LPIN2: variants seen among roughly 807,000 people sequenced by gnomAD.
LPIN2 encodes the protein phosphatidate phosphatase LPIN2.
LPIN2 carries 55 observed loss-of-function variants against 111.4 expected under a neutral mutation model. The ratio of observed to expected loss-of-function variants is 0.49; its 90% CI spans 0.40 to 0.62. LPIN2 has a LOEUF of 0.62. Ranked by LOEUF, LPIN2 falls within the 20% of genes least tolerant of loss-of-function variation. The probability of loss-of-function intolerance (pLI) is 0.00; values close to 1 mark genes in which losing one functional copy is unlikely to be tolerated. For synonymous variants in LPIN2, 425 were observed against 414.0 expected (o/e 1.03, Z -0.32); for missense variants, 992 against 1,112.1 (o/e 0.89, Z 1.54).
At chr18:2,971,657 G>A (rs138537759) in intron 1 of LPIN2, among the ~76,000 whole-genome samples, 125 of 151,814 alleles carry the variant, frequency 8.2e-4, no homozygotes, top group African/African-American at 2.8e-3. Context: ...TCAGCAAGGA[G>A]AGGGAGAAAT....
At chr18:2,951,836 G>A (rs1243408214) in intron 3 of LPIN2, among the ~76,000 whole-genome samples, 1 of 152,232 alleles carries the variant, frequency 6.6e-6, no homozygotes, top group African/African-American at 2.4e-5. Flanking sequence ...CAGTGATACA[G>A]AGCGGCCAAT....
intron 1 of LPIN2, among the ~76,000 whole-genome samples, chr18:2,969,802 A>T (rs1054464224): frequency 1.3e-5 from 2 of 152,194 alleles, no homozygotes; most frequent in African/African-American, 4.8e-5. Flanking sequence ...ACAGACACCC[A>T]AGTTTGGGAA....
intron 1 of LPIN2, among the ~76,000 whole-genome samples, chr18:3,009,323 T>C (rs535876584): frequency 2.6e-4 from 39 of 151,524 alleles, no homozygotes; most frequent in Non-Finnish European, 4.7e-4. Flanking sequence ...TGCTTGAACC[T>C]GGGAGGCGGA....
chr18:3,007,394 A>G (rs1300907355), intron 1 of LPIN2, among the ~76,000 whole-genome samples: 1 of 152,158 alleles, frequency 6.6e-6, no homozygotes, highest in African/African-American at 2.4e-5. Flanking sequence ...GATGGTCTCG[A>G]TCTCCTGACC....
chr18:2,934,327 T>G, intron 8 of LPIN2, 24 bp downstream of exon 8: 2 of 1,483,648 alleles, frequency 1.3e-6, no homozygotes, highest in Non-Finnish European at 1.9e-6. Flanking sequence ...AGAGCTGTCC[T>G]TCAATAAATA....
chr18:2,983,020 T>C, intron 1 of LPIN2: 1 of 300,664 alleles, frequency 3.3e-6, no homozygotes, highest in South Asian at 2.9e-5. Flanking sequence ...GTGCCATGTG[T>C]TTACACTGAT....
At chr18:2,997,155 T>C (rs1383961697) in intron 1 of LPIN2, among the ~76,000 whole-genome samples, 1 of 152,182 alleles carries the variant, frequency 6.6e-6, no homozygotes, top group Admixed American at 6.5e-5. Flanking sequence ...CTAATTTTTG[T>C]ATTTTTAGTA....
intron 3 of LPIN2, among the ~76,000 whole-genome samples, chr18:2,952,290 G>A (rs2077548092): frequency 6.6e-6 from 1 of 152,134 alleles, no homozygotes; most frequent in South Asian, 2.1e-4. Context: ...GCTGGGCCTG[G>A]TGATGCATGC....
Position 2,920,028 on chromosome 18 carries a change from G to T in LPIN2, c.*265C>A. 1.4e-5 allele frequency: 8 copies of T among 561,190 alleles called. No individual in the cohort carries two copies. The South Asian group carries it at 1.6e-4, about 11-fold the overall frequency. The allele number at this position is 561,190 out of a possible 1,614,324, so 34.8% of individuals were successfully genotyped here. On this transcript the variant is annotated 3_prime_UTR_variant, in exon 20 of 20. Coordinates refer to ENST00000677752, the MANE Select transcript of LPIN2 (RefSeq NM_001375808.2). Reference sequence around the variant, plus strand: ...TGGAAGGAGGCCCCAGCTCACAGCAGGAAACATGTGTGCGACCCACAAAGG... The same window carrying T: ...TGGAAGGAGGCCCCAGCTCACAGCATGAAACATGTGTGCGACCCACAAAGG...
chr18:2,938,553 C>T (rs2077324183), intron 6 of LPIN2, among the ~76,000 whole-genome samples: 1 of 152,022 alleles, frequency 6.6e-6, no homozygotes, highest in Non-Finnish European at 1.5e-5. Context: ...AAATGTTCTA[C>T]TGTGAAGTTA....
chr18:3,003,270 G>C (rs1382911323), intron 1 of LPIN2, among the ~76,000 whole-genome samples: 2 of 152,184 alleles, frequency 1.3e-5, no homozygotes, highest in Non-Finnish European at 2.9e-5. Context: ...CATTAGCGGG[G>C]AGCTCATCTG....
intron 2 of LPIN2, among the ~76,000 whole-genome samples, chr18:2,955,980 C>T (rs552709980): frequency 6.6e-6 from 1 of 152,156 alleles, no homozygotes; most frequent in African/African-American, 2.4e-5. Context: ...AATAACATAA[C>T]CACACTGAAG....
chr18:2,974,834 A>G (rs981305800), intron 1 of LPIN2, among the ~76,000 whole-genome samples: 1 of 152,124 alleles, frequency 6.6e-6, no homozygotes, highest in South Asian at 2.1e-4. Context: ...TCTACAGAGA[A>G]TTTTTTTAAA....
At chr18:2,923,999 C>A in intron 15 of LPIN2, 138 bp from the exon 16 acceptor site, 1 of 755,926 alleles carries the variant, frequency 1.3e-6, no homozygotes, top group Non-Finnish European at 2.3e-6. Flanking sequence ...CAGCTTCAAG[C>A]AACTGCAAGG....
At chr18:2,969,338 T>C (rs1598582365) in intron 1 of LPIN2, among the ~76,000 whole-genome samples, 1 of 152,202 alleles carries the variant, frequency 6.6e-6, no homozygotes, top group Non-Finnish European at 1.5e-5. Context: ...AGAGAAAAAG[T>C]ACAGGGGAGT....
Position 2,920,182 on chromosome 18 carries a change from GCACC to G in LPIN2, c.*107_*110del. On this transcript the variant is annotated 3_prime_UTR_variant, in exon 20 of 20. Transcript: ENST00000677752. Reference sequence around the variant, plus strand: ...GAGGATGGCGGGACCAGCTCCAGAAGCACCCGTCCCCGCTGGGGAAGGCTGGTAT... The same window carrying G: ...GAGGATGGCGGGACCAGCTCCAGAAGCGTCCCCGCTGGGGAAGGCTGGTAT... 5 of 1,456,510 alleles carry G rather than the reference GCACC, an allele frequency of 3.4e-6. No homozygotes were observed. Among genetic ancestry groups the G allele is most frequent in the Non-Finnish European group, 4.8e-6 (5 of 1,045,798 alleles). 90.2% of individuals were successfully genotyped at this position (1,456,510 alleles called of 1,614,324 possible).
chr18:2,919,322 GC>G lies in LPIN2; in HGVS notation c.*970del, dbSNP rs1163343869. ...CCAAAGTCACACACTGCTGGCCAGTGCCTTTAAGCAAGCTTCACTGTGCTTC... is the reference window on the plus strand; with the variant it reads ...CCAAAGTCACACACTGCTGGCCAGTGCTTTAAGCAAGCTTCACTGTGCTTC... On this transcript the variant is annotated 3_prime_UTR_variant, in exon 20 of 20. Transcript: ENST00000677752. 1.4e-5 allele frequency: 2 copies of G among 146,230 alleles called. No homozygotes were observed. The highest frequency in any genetic ancestry group is 4.9e-5 in the African/African-American group (2 of 40,562). 9.1% of individuals were successfully genotyped at this position (146,230 alleles called of 1,614,324 possible).
chr18:2,937,585 C>G, intron 7 of LPIN2, 107 bp downstream of exon 7: 3 of 741,312 alleles, frequency 4.0e-6, no homozygotes, highest in Non-Finnish European at 2.3e-6. Context: ...CGACGGGTTT[C>G]GACTGGTGAA....
At chr18:2,953,612 G>A (rs1035174254) in intron 3 of LPIN2, among the ~76,000 whole-genome samples, 3 of 152,082 alleles carry the variant, frequency 2.0e-5, no homozygotes, top group Non-Finnish European at 2.9e-5. Flanking sequence ...TTTTGCTATC[G>A]TATTTTTTGG....
Sources: allele counts gnomAD v4.1 joint callset (sites outside exome capture counted in the v4.1 genomes callset), GRCh38; gene constraint gnomAD v4.1.1; transcripts MANE v1.5; gene names NCBI Gene and HGNC (gene_info 2026-07-23, HGNC 2026-07-21).